The following KCNIP2 variants were observed in gnomAD, a reference collection of about 807,000 sequenced individuals.
The protein encoded by KCNIP2 is A-type potassium channel modulatory protein KCNIP2.
In KCNIP2, 19 loss-of-function variants were observed where a neutral mutation model predicts 39.0. That is an observed-to-expected ratio of 0.49 (90% CI 0.34 to 0.71). The LOEUF (loss-of-function observed/expected upper bound fraction) is 0.71, where lower values mean the gene tolerates loss of function less well. Ranked by LOEUF, KCNIP2 falls within the 30% of genes least tolerant of loss-of-function variation. The pLI, the probability that KCNIP2 is intolerant of heterozygous loss-of-function variation, is 0.01. For synonymous variants in KCNIP2, 111 were observed against 131.2 expected (o/e 0.85, Z 1.05); for missense variants, 261 against 346.0 (o/e 0.75, Z 1.95).
intron 1 of KCNIP2, among the ~76,000 whole-genome samples, chr10:101,832,296 CTGTGTGTGTG>C (rs57005983): frequency 0.01 from 1,435 of 140,004 alleles, 9 homozygotes; most frequent in Middle Eastern, 0.018. Flanking sequence ...CTCAGTGTTA[CTGTGTGTGTG>C]TGTGTGTGTG....
chr10:101,837,266 A>G (rs1394225490), intron 1 of KCNIP2, among the ~76,000 whole-genome samples: 1 of 152,170 alleles, frequency 6.6e-6, no homozygotes, highest in Non-Finnish European at 1.5e-5. Flanking sequence ...GAGTGATAGT[A>G]TACCCATTTT....
chr10:101,830,532 G>C (rs1206571703), intron 2 of KCNIP2: 3 of 1,108,140 alleles, frequency 2.7e-6, no homozygotes, highest in Non-Finnish European at 3.5e-6. Context: ...CACACTCTCG[G>C]GTCCCACAGT....
rs2066231562 is a variant in KCNIP2 at position 101,838,623 on chromosome 10, C to T, written c.73+4873G>A. Among the ~76,000 whole-genome samples the T allele has an allele frequency of 6.6e-6, 1 of 152,214 alleles. No individual in the cohort carries two copies. The highest frequency in any genetic ancestry group is 6.5e-5 in the Admixed American group (1 of 15,282). ...GACTGAGAGCTGGCCCTGCCTGGCT[C>T]CAGCCATCTGTCACTGGAGACAGGC... On this transcript the variant is annotated intron_variant, in intron 1 of 9. Transcript: ENST00000356640. This position sits in a 1 kb window ranked among gnomAD's most constrained non-coding sequence, Gnocchi z 4.0.
rs748512434 is a variant in KCNIP2 at position 101,828,922 on chromosome 10, G to A, written c.348+153C>T. 2.7e-6 allele frequency: 4 copies of A among 1,504,020 alleles called. No individual in the cohort carries two copies. Among genetic ancestry groups the A allele is most frequent in the Admixed American group, 2.1e-5 (1 of 48,328 alleles). The allele number at this position is 1,504,020 out of a possible 1,614,324, so 93.2% of individuals were successfully genotyped here. ...CAGGCGCCACTTCCGTTCTGGCCCC[G>A]CCCCAGAACCTCCAGCTAGAAGTTC... On this transcript the variant is annotated intron_variant, in intron 4 of 9. Transcript: ENST00000356640. The surrounding 1 kb of genome is among the most constrained non-coding windows in gnomAD (Gnocchi z 6.6).
intron 2 of KCNIP2, 25 bp downstream of exon 2, chr10:101,831,047 C>A: frequency 6.2e-7 from 1 of 1,601,158 alleles, no homozygotes; most frequent in Non-Finnish European, 8.5e-7. Context: ...AGCCCCGCCC[C>A]CGGAAGCACA....
In KCNIP2 at chr10:101,843,474, G is replaced by A; in HGVS notation, c.73+22C>T. ...GAATGGAATCCACCCTCCCTCCCGC[G>A]ACCCCCACGTCACTGACTCACCCGT... On this transcript the variant is annotated intron_variant, in intron 1 of 9. Coordinates refer to ENST00000356640, the MANE Select transcript of KCNIP2 (RefSeq NM_173191.3). This position sits in a 1 kb window ranked among gnomAD's most constrained non-coding sequence, Gnocchi z 6.7. The A allele has an allele frequency of 6.7e-7, 1 of 1,500,118 alleles. No individual in the cohort carries two copies. The allele number at this position is 1,500,118 out of a possible 1,614,324, so 92.9% of individuals were successfully genotyped here.
chr10:101,828,332 G>A lies in KCNIP2; in HGVS notation c.489+57C>T. On this transcript the variant is annotated intron_variant, in intron 6 of 9. Transcript: ENST00000356640. The surrounding 1 kb of genome is among the most constrained non-coding windows in gnomAD (Gnocchi z 6.6). ...ACTCCTTCTCTGGGTTTGGCCTGGAGATCCTGGCCCTGAACTCCAGGAAAC... is the reference window on the plus strand; with the variant it reads ...ACTCCTTCTCTGGGTTTGGCCTGGAAATCCTGGCCCTGAACTCCAGGAAAC... 1.2e-6 allele frequency: 2 copies of A among 1,609,742 alleles called. No individual in the cohort carries two copies. Among genetic ancestry groups the A allele is most frequent in the South Asian group, 1.1e-5 (1 of 90,964 alleles).
In KCNIP2 at chr10:101,827,411, G is replaced by T; in HGVS notation, c.766-11C>A. On this transcript the variant is annotated splice_polypyrimidine_tract_variant and intron_variant, in intron 9 of 9. Coordinates refer to ENST00000356640, the MANE Select transcript of KCNIP2 (RefSeq NM_173191.3). ...CATGATGTTCTCATCCTGTGGCCATGATGTGAGCGAGGCAGATTGAAGAGA... is the reference window on the plus strand; with the variant it reads ...CATGATGTTCTCATCCTGTGGCCATTATGTGAGCGAGGCAGATTGAAGAGA... 6.2e-7 allele frequency: 1 copy of T among 1,602,538 alleles called. No homozygotes were observed. Among genetic ancestry groups the T allele is most frequent in the South Asian group, 1.1e-5 (1 of 90,680 alleles).
intron 1 of KCNIP2, among the ~76,000 whole-genome samples, chr10:101,836,602 A>G (rs2066171145): frequency 6.6e-6 from 1 of 152,082 alleles, no homozygotes. Flanking sequence ...TTGCTTGCCA[A>G]TCCCTAAAGG....
At chr10:101,833,712 A>G (rs927324199) in intron 1 of KCNIP2, among the ~76,000 whole-genome samples, 4 of 152,052 alleles carry the variant, frequency 2.6e-5, no homozygotes, top group African/African-American at 9.7e-5. Context: ...ACAGGCTCAC[A>G]GTTACACACT....
intron 1 of KCNIP2, among the ~76,000 whole-genome samples, chr10:101,839,583 C>G (rs1322437311): frequency 6.6e-6 from 1 of 152,186 alleles, no homozygotes; most frequent in Non-Finnish European, 1.5e-5. Flanking sequence ...GGAGGCCCAT[C>G]CCCTGCTCCG....
chr10:101,829,258 A>C (rs1413296269), intron 3 of KCNIP2, 59 bp from the exon 4 acceptor site: 6 of 1,537,454 alleles, frequency 3.9e-6, no homozygotes, highest in Non-Finnish European at 5.3e-6. Flanking sequence ...CCCTCTTCAA[A>C]TCACTGCCCC....
chr10:101,841,343 C>T (rs1356155660), intron 1 of KCNIP2, among the ~76,000 whole-genome samples: 1 of 152,218 alleles, frequency 6.6e-6, no homozygotes, highest in Non-Finnish European at 1.5e-5. Flanking sequence ...CCGCGGACAA[C>T]GACTCCCCTT....
chr10:101,836,391 C>T (rs945373630), intron 1 of KCNIP2, among the ~76,000 whole-genome samples: 1 of 151,324 alleles, frequency 6.6e-6, no homozygotes, highest in Non-Finnish European at 1.5e-5. Context: ...CAGGCGTGCA[C>T]CACCACGCCC....
At chr10:101,831,000 C>T (rs556668550) in intron 2 of KCNIP2, 72 bp downstream of exon 2, 1 of 1,327,936 alleles carries the variant, frequency 7.5e-7, no homozygotes. Flanking sequence ...GGGGCACACG[C>T]GCACACACTC....
chr10:101,828,552 C>T lies in KCNIP2; in HGVS notation c.418+75G>A. On this transcript the variant is annotated intron_variant, in intron 5 of 9. Transcript: ENST00000356640. This position sits in a 1 kb window ranked among gnomAD's most constrained non-coding sequence, Gnocchi z 6.6. ...CATACCCCCCATCACCTTGGCATTC[C>T]CAGCTCCTCCAGAATCCCTCCCTCC... 6.3e-7 allele frequency: 1 copy of T among 1,599,084 alleles called. No individual in the cohort carries two copies. The highest frequency in any genetic ancestry group is 1.3e-5 in the African/African-American group (1 of 74,728).
intron 3 of KCNIP2, 73 bp from the exon 4 acceptor site, chr10:101,829,272 C>G (rs2065869983): frequency 8.0e-6 from 12 of 1,491,540 alleles, no homozygotes; most frequent in Non-Finnish European, 1.1e-5. Context: ...CTGCCCCATT[C>G]ACCCCCTCCC....
intron 1 of KCNIP2, chr10:101,834,389 C>G (rs2066083256): frequency 5.0e-6 from 2 of 399,130 alleles, no homozygotes; most frequent in African/African-American, 4.1e-5. Context: ...GGGGCATGGC[C>G]CCTACAGGGC....
intron 1 of KCNIP2, among the ~76,000 whole-genome samples, chr10:101,835,251 A>G (rs1185855107): frequency 6.6e-6 from 1 of 152,174 alleles, no homozygotes; most frequent in Non-Finnish European, 1.5e-5. Flanking sequence ...TATCACCAAT[A>G]TCGATTTGGT....
Sources: gnomAD v4.1 joint callset for allele counts (sites outside exome capture counted in the v4.1 genomes callset) on GRCh38, gnomAD v4.1.1 for gene constraint, Gnocchi (gnomAD v3.1) non-coding constraint, MANE v1.5 for transcripts, NCBI Gene and HGNC (gene_info 2026-07-23, HGNC 2026-07-21) for gene names.